LRMDA: variants seen among roughly 807,000 people sequenced by gnomAD.
LRMDA encodes the protein leucine rich melanocyte differentiation associated.
Under a neutral mutation model 29.8 loss-of-function variants are expected in LRMDA, and 18 were observed. The ratio of observed to expected loss-of-function variants is 0.60; its 90% CI spans 0.42 to 0.90. LRMDA has a LOEUF of 0.90. LRMDA is among the 40% of genes least tolerant of loss of function. The pLI is 0.00. For missense variants in LRMDA, 273 were observed against 273.9 expected (o/e 1.00, Z 0.02); for synonymous variants, 125 against 109.4 (o/e 1.14, Z -0.89).
At chr10:75,482,910 A>G (rs1431638107) in intron 2 of LRMDA, among the ~76,000 whole-genome samples, 1 of 152,118 alleles carries the variant, frequency 6.6e-6, no homozygotes, top group Non-Finnish European at 1.5e-5. Flanking sequence ...AAATATGTTA[A>G]TCACATTTTC....
chr10:76,426,735 G>A (rs1842130489), intron 6 of LRMDA, among the ~76,000 whole-genome samples: 1 of 152,112 alleles, frequency 6.6e-6, no homozygotes, highest in South Asian at 2.1e-4. Context: ...TATGGTTTTA[G>A]GTCTAACATT....
chr10:76,322,180 C>A (rs1305993837), intron 5 of LRMDA, among the ~76,000 whole-genome samples: 1 of 152,186 alleles, frequency 6.6e-6, no homozygotes, highest in East Asian at 1.9e-4. Context: ...AAATTTAAGA[C>A]ATTTTCTTGT....
chr10:76,178,484 G>A (rs4746372), intron 5 of LRMDA, among the ~76,000 whole-genome samples: 60,587 of 152,022 alleles, frequency 0.4, 14,895 homozygotes, highest in East Asian at 0.77. Flanking sequence ...AAGTGGGCAC[G>A]GGGAAGACAA....
At chr10:75,843,981 T>C (rs1302828197) in intron 2 of LRMDA, among the ~76,000 whole-genome samples, 2 of 152,074 alleles carry the variant, frequency 1.3e-5, no homozygotes, top group East Asian at 1.9e-4. Flanking sequence ...CCCTTCTCGC[T>C]GGGCTGTGGT....
intron 5 of LRMDA, among the ~76,000 whole-genome samples, chr10:76,303,860 GC>G (rs1311789172): frequency 6.6e-6 from 1 of 151,914 alleles, no homozygotes; most frequent in African/African-American, 2.4e-5. Context: ...CGGCTAACAC[GC>G]TCGCTTTCAT....
At chr10:75,745,002 C>T (rs975194337) in intron 2 of LRMDA, among the ~76,000 whole-genome samples, 19 of 152,196 alleles carry the variant, frequency 1.2e-4, no homozygotes, top group Admixed American at 9.2e-4. Context: ...ACACTGTGCA[C>T]GTCCCCAACT....
chr10:75,602,487 T>C (rs942456758), intron 2 of LRMDA, among the ~76,000 whole-genome samples: 2 of 152,212 alleles, frequency 1.3e-5, no homozygotes, highest in Non-Finnish European at 2.9e-5. Flanking sequence ...AGCTCAATGT[T>C]GGATTCTCTC....
At chr10:76,106,953 G>A (rs1012326688) in intron 5 of LRMDA, among the ~76,000 whole-genome samples, 10 of 152,182 alleles carry the variant, frequency 6.6e-5, no homozygotes, top group Admixed American at 2.0e-4. Flanking sequence ...TGGTAACAGC[G>A]CCTCCATCAT....
chr10:76,478,062 T>C (rs1456823584), intron 6 of LRMDA, among the ~76,000 whole-genome samples: 2 of 152,082 alleles, frequency 1.3e-5, no homozygotes, highest in Non-Finnish European at 2.9e-5. Flanking sequence ...GGGATCTAAT[T>C]AAACTCAAGA....
At chr10:75,637,851 A>C (rs1365201763) in intron 2 of LRMDA, among the ~76,000 whole-genome samples, 1 of 152,152 alleles carries the variant, frequency 6.6e-6, no homozygotes, top group African/African-American at 2.4e-5. Flanking sequence ...GGCTGGCAGG[A>C]ACCTGGACGC....
intron 6 of LRMDA, among the ~76,000 whole-genome samples, chr10:76,466,866 T>G (rs1252095944): frequency 1.3e-5 from 2 of 152,248 alleles, no homozygotes; most frequent in African/African-American, 4.8e-5. Flanking sequence ...TATCTTGCTC[T>G]GCAGCCTTGC....
intron 5 of LRMDA, among the ~76,000 whole-genome samples, chr10:76,140,254 A>AAG (rs149194332): frequency 0.011 from 1,720 of 152,254 alleles, 61 homozygotes; most frequent in Admixed American, 0.075. Context: ...TCCATTCATG[A>AAG]AGGTGGCTTC....
rs532055829 is a variant in LRMDA at position 75,564,844 on chromosome 10, A to G, written c.131+126350A>G. On this transcript the variant is annotated intron_variant, in intron 2 of 6. Transcript: ENST00000611255. ...ACATCTATATTTTTCACAAGCTTCA[A>G]AGGTGATCTTTTTGCTGATCTGTAA... Among the ~76,000 whole-genome samples, 14 of 152,344 alleles carry G rather than the reference A, an allele frequency of 9.2e-5. No individual in the cohort carries two copies. The East Asian group carries it at 9.6e-4, about 10-fold the overall frequency.
At chr10:75,578,215 C>CAAAAAAAAAA (rs1183989010) in intron 2 of LRMDA, among the ~76,000 whole-genome samples, 151 of 14,228 alleles carry the variant, frequency 0.011, 44 homozygotes, top group Admixed American at 0.025. Flanking sequence ...AAATGGAAAG[C>CAAAAAAAAAA]AAAAAAAAAA....
intron 2 of LRMDA, among the ~76,000 whole-genome samples, chr10:75,615,473 T>C (rs185215479): frequency 2.0e-5 from 3 of 152,276 alleles, no homozygotes; most frequent in Admixed American, 1.3e-4. Context: ...TTTTTGGATT[T>C]TAGGGTATTT....
intron 2 of LRMDA, among the ~76,000 whole-genome samples, chr10:75,928,196 C>G (rs1846152014): frequency 6.6e-6 from 1 of 151,980 alleles, no homozygotes; most frequent in South Asian, 2.1e-4. Context: ...CAGGGAGCTG[C>G]AAATAACCCT....
At chr10:75,613,209 C>A (rs546253022) in intron 2 of LRMDA, among the ~76,000 whole-genome samples, 65 of 152,262 alleles carry the variant, frequency 4.3e-4, no homozygotes, top group Admixed American at 1.7e-3. Context: ...CAATCCCCCC[C>A]ACTTCCTCCT....
intron 2 of LRMDA, among the ~76,000 whole-genome samples, chr10:75,665,759 A>G (rs1347636440): frequency 1.3e-5 from 2 of 152,222 alleles, no homozygotes; most frequent in Non-Finnish European, 2.9e-5. Flanking sequence ...CTTCTAGCTT[A>G]TCTATGCCTT....
intron 5 of LRMDA, among the ~76,000 whole-genome samples, chr10:76,142,745 G>C (rs568899450): frequency 6.6e-6 from 1 of 151,060 alleles, no homozygotes; most frequent in Admixed American, 6.6e-5. Context: ...CAATGTGCAG[G>C]TTTGTTACAT....
Sources: allele counts gnomAD v4.1 joint callset (sites outside exome capture counted in the v4.1 genomes callset), GRCh38; gene constraint gnomAD v4.1.1; transcripts MANE v1.5; gene names NCBI Gene and HGNC (gene_info 2026-07-23, HGNC 2026-07-21).